The following SLC9B2 variants were observed in gnomAD, a reference collection of about 807,000 sequenced individuals.
SLC9B2 encodes sodium/hydrogen exchanger 9B2.
SLC9B2 carries 39 observed loss-of-function variants against 52.2 expected under a neutral mutation model. The ratio of observed to expected loss-of-function variants is 0.75; its 90% CI spans 0.58 to 0.98. The LOEUF (loss-of-function observed/expected upper bound fraction) is 0.98, where lower values mean the gene tolerates loss of function less well. Among genes scored for constraint, SLC9B2 ranks in the 50% least tolerant of loss-of-function variants. The pLI is 0.00. For synonymous variants in SLC9B2, 214 were observed against 227.0 expected (o/e 0.94, Z 0.51); for missense variants, 626 against 637.5 (o/e 0.98, Z 0.19).
chr4:103,036,786 A>G (rs1303969383), intron 9 of SLC9B2, among the ~76,000 whole-genome samples: 3 of 152,148 alleles, frequency 2.0e-5, no homozygotes, highest in Admixed American at 6.6e-5. Flanking sequence ...TTGGAGGGCA[A>G]TTGAGCAGTA....
In SLC9B2 at chr4:103,023,752, G is replaced by A. The variant is rs983956033; in HGVS notation, c.*2618C>T. 2.0e-5 allele frequency among the ~76,000 whole-genome samples: 3 copies of A among 152,150 alleles called. No individual in the cohort carries two copies. Among genetic ancestry groups the A allele is most frequent in the Non-Finnish European group, 2.9e-5 (2 of 68,032 alleles). On this transcript the variant is annotated 3_prime_UTR_variant, in exon 12 of 12. Coordinates refer to ENST00000394785, the MANE Select transcript of SLC9B2 (RefSeq NM_178833.7). ...CTGCATGACCTCAAAATGAAAACAGGTATTGGCAGTGGCTTCAGGTGCCCT... is the reference window on the plus strand; with the variant it reads ...CTGCATGACCTCAAAATGAAAACAGATATTGGCAGTGGCTTCAGGTGCCCT...
Position 103,028,178 on chromosome 4 carries a change from G to A in SLC9B2, c.1392+569C>T, listed in dbSNP as rs930426222. On this transcript the variant is annotated intron_variant, in intron 11 of 11. Coordinates refer to ENST00000394785, the MANE Select transcript of SLC9B2 (RefSeq NM_178833.7). ...TTAGAATGCACAAATTTTCGGTTAA[G>A]TGATTGAGACATTTGCCAGGAAGTT... Among the ~76,000 whole-genome samples the A allele has an allele frequency of 8.5e-5, 13 of 152,260 alleles. No individual in the cohort carries two copies. The South Asian group carries it at 1.9e-3, about 22-fold the overall frequency.
At chr4:103,041,568 T>C (rs1003989367) in intron 9 of SLC9B2, among the ~76,000 whole-genome samples, 8 of 152,196 alleles carry the variant, frequency 5.3e-5, no homozygotes, top group African/African-American at 1.9e-4. Flanking sequence ...TCTCTGTTGC[T>C]AAAACTACTT....
At chr4:103,072,491 T>C (rs1177677953) in intron 1 of SLC9B2, among the ~76,000 whole-genome samples, 1 of 152,222 alleles carries the variant, frequency 6.6e-6, no homozygotes, top group Non-Finnish European at 1.5e-5. Context: ...AAGTGGAGCA[T>C]ACTTTGGAAA....
chr4:103,046,156 T>A lies in SLC9B2; in HGVS notation c.889+895A>T, dbSNP rs576147355. ...CATACACAATCACAGAATGGGGAGA[T>A]AACTATAGGGAGATAACGAGAATGT... On this transcript the variant is annotated intron_variant, in intron 7 of 11. Transcript: ENST00000394785. Among the ~76,000 whole-genome samples the A allele has an allele frequency of 1.2e-4, 19 of 152,264 alleles. No individual in the cohort carries two copies. In the South Asian group the frequency reaches 3.9e-3, roughly 32 times the overall value.
chr4:103,043,290 A>G lies in SLC9B2; in HGVS notation c.1146+6T>C. 1 of 1,595,588 alleles carries G rather than the reference A, an allele frequency of 6.3e-7. No homozygotes were observed. Among genetic ancestry groups the G allele is most frequent in the Non-Finnish European group, 8.5e-7 (1 of 1,175,078 alleles). ...CATGAGCAGAAAAACTTAAAATGAA[A>G]TTCACCTTTTCGCTGGTCCATCCCA... On this transcript the variant is annotated splice_donor_region_variant and intron_variant, in intron 9 of 11. Coordinates refer to ENST00000394785, the MANE Select transcript of SLC9B2 (RefSeq NM_178833.7).
At chr4:103,048,251 A>G (rs1011096071) in intron 6 of SLC9B2, among the ~76,000 whole-genome samples, 1 of 152,158 alleles carries the variant, frequency 6.6e-6, no homozygotes, top group African/African-American at 2.4e-5. Flanking sequence ...ACAACCCTAT[A>G]AAATAGACAA....
rs114670888 is a variant in SLC9B2 at position 103,026,853 on chromosome 4, A to T, written c.1393-262T>A. ...AAAGTATAATAATAATAAAATAAAA[A>T]AAAAGAAAGTTGTTTTAGTATTCTT... On this transcript the variant is annotated intron_variant, in intron 11 of 11. Coordinates refer to ENST00000394785, the MANE Select transcript of SLC9B2 (RefSeq NM_178833.7). Among the ~76,000 whole-genome samples, 1,087 of 152,290 alleles carry T rather than the reference A, an allele frequency of 7.1e-3. 13 individuals carry two copies. The highest frequency in any genetic ancestry group is 0.025 in the African/African-American group (1,033 of 41,550).
In SLC9B2 at chr4:103,076,676, G is replaced by T. The variant is rs901060642; in HGVS notation, c.-535C>A. 2.6e-5 allele frequency: 4 copies of T among 152,224 alleles called. No individual in the cohort carries two copies. The highest frequency in any genetic ancestry group is 2.0e-4 in the Admixed American group (3 of 15,288). 9.4% of individuals were successfully genotyped at this position (152,224 alleles called of 1,614,324 possible). A position where few individuals can be genotyped will look rare whatever the true frequency, so the allele number is the denominator to read the frequency against. On this transcript the variant is annotated 5_prime_UTR_variant, in exon 1 of 12. Coordinates refer to ENST00000394785, the MANE Select transcript of SLC9B2 (RefSeq NM_178833.7). ...CCCTGGGCGGGTCCGCAGGCTTCTG[G>T]GGCCAGGACCAGCGAGCTCCCGGGA...
intron 2 of SLC9B2, among the ~76,000 whole-genome samples, chr4:103,066,751 T>C (rs1241379644): frequency 6.6e-6 from 1 of 152,166 alleles, no homozygotes; most frequent in Non-Finnish European, 1.5e-5. Context: ...ATCTAAAATC[T>C]GAAATGCTCC....
chr4:103,026,321 A>C lies in SLC9B2; in HGVS notation c.*49T>G. 1 of 1,480,980 alleles carries C rather than the reference A, an allele frequency of 6.8e-7. No individual in the cohort carries two copies. Among genetic ancestry groups the C allele is most frequent in the Non-Finnish European group, 9.1e-7 (1 of 1,095,574 alleles). The allele number at this position is 1,480,980 out of a possible 1,614,324, so 91.7% of individuals were successfully genotyped here. A position where few individuals can be genotyped will look rare whatever the true frequency, so the allele number is the denominator to read the frequency against. On this transcript the variant is annotated 3_prime_UTR_variant, in exon 12 of 12. Transcript: ENST00000394785. ...ACATATTTCAATATGCATCTTGAAA[A>C]AAGTAGCAGCTTTCTAAACATTATG...
Position 103,048,911 on chromosome 4 carries a change from T to G in SLC9B2, c.695A>C (p.Gln232Pro), listed in dbSNP as rs772656120. 1.2e-6 allele frequency: 2 copies of G among 1,613,704 alleles called. No individual in the cohort carries two copies. Among genetic ancestry groups the G allele is most frequent in the Non-Finnish European group, 1.7e-6 (2 of 1,179,840 alleles). ...LAHYLLGLPW[Q>P]WGFILGFVLG... is the part of the protein sequence containing the mutation. ...TCATTACCCCAGTATAAATCCCCAT[T>G]GCCATGGTAAACCCAGCAGGTAATG... The change falls in exon 6 of 12, where the codon CAA becomes CCA. Residue 232 changes from glutamine to proline, a missense_variant. Physicochemically the swap from Gln to Pro is moderately conservative, Grantham distance 76 (BLOSUM62 -1). Transcript: ENST00000394785.
chr4:103,021,204 AG>A (rs1308394703), downstream of SLC9B2, among the ~76,000 whole-genome samples: 1 of 152,210 alleles, frequency 6.6e-6, no homozygotes. Flanking sequence ...ATGCTCTAGA[AG>A]GAATGGGCTC....
chr4:103,058,898 C>T (rs1745390551), intron 3 of SLC9B2, among the ~76,000 whole-genome samples: 1 of 151,986 alleles, frequency 6.6e-6, no homozygotes. Context: ...CTTGTCTCTA[C>T]TAAATATAAA....
At chr4:103,034,970 C>T (rs1478807935) in intron 9 of SLC9B2, among the ~76,000 whole-genome samples, 2 of 151,954 alleles carry the variant, frequency 1.3e-5, no homozygotes, top group African/African-American at 2.4e-5. Flanking sequence ...TCTTTTGATA[C>T]TTTTTAATTT....
chr4:103,046,988 T>C, intron 7 of SLC9B2, 63 bp downstream of exon 7: 2 of 1,545,058 alleles, frequency 1.3e-6, no homozygotes, highest in Non-Finnish European at 1.8e-6. Context: ...GTCATGCTTA[T>C]AACATTTTAA....
At chr4:103,029,417 A>G (rs1401387347) in intron 10 of SLC9B2, among the ~76,000 whole-genome samples, 1 of 152,168 alleles carries the variant, frequency 6.6e-6, no homozygotes, top group Non-Finnish European at 1.5e-5. Flanking sequence ...TTTACAGGGT[A>G]TAAGACCAGA....
intron 1 of SLC9B2, among the ~76,000 whole-genome samples, chr4:103,075,671 C>G (rs928582330): frequency 6.6e-6 from 1 of 152,164 alleles, no homozygotes; most frequent in Non-Finnish European, 1.5e-5. Context: ...ATGCAATCCT[C>G]TAGTAGCTTT....
intron 9 of SLC9B2, among the ~76,000 whole-genome samples, chr4:103,034,328 T>C (rs1162871536): frequency 1.3e-5 from 2 of 152,154 alleles, no homozygotes; most frequent in African/African-American, 4.8e-5. Context: ...AAGACTTAAA[T>C]GTAAAACCGA....
Sources: gnomAD v4.1 joint callset for allele counts (sites outside exome capture counted in the v4.1 genomes callset) on GRCh38, gnomAD v4.1.1 for gene constraint, MANE v1.5 for transcripts, NCBI Gene and HGNC (gene_info 2026-07-23, HGNC 2026-07-21) for gene names.